SLC38A1: variants seen among roughly 807,000 people sequenced by gnomAD.
SLC38A1 encodes the protein sodium-coupled neutral amino acid symporter 1.
In SLC38A1, 18 loss-of-function variants were observed where a neutral mutation model predicts 60.3. That is an observed-to-expected ratio of 0.30 (90% CI 0.21 to 0.44). SLC38A1 has a LOEUF of 0.44. Ranked by LOEUF, SLC38A1 falls within the 20% of genes least tolerant of loss-of-function variation. SLC38A1 has a pLI of 1.00. For synonymous variants in SLC38A1, 196 were observed against 212.1 expected (o/e 0.92, Z 0.66); for missense variants, 448 against 587.2 (o/e 0.76, Z 2.45).
intron 16 of SLC38A1, among the ~76,000 whole-genome samples, chr12:46,192,062 G>C (rs187822168): frequency 5.5e-4 from 84 of 152,334 alleles, no homozygotes; most frequent in African/African-American, 1.2e-3. Flanking sequence ...GATATTGGCT[G>C]TGGGTTTGTC....
rs1433136791 is a variant in SLC38A1, at chr12:46,239,743, C to T, written c.58G>A (p.Glu20Lys). 1.2e-6 allele frequency: 2 copies of T among 1,613,406 alleles called. No homozygotes were observed. The highest frequency in any genetic ancestry group is 1.7e-6 in the Non-Finnish European group (2 of 1,179,824). Residue 20 changes from glutamate (E) to lysine (K), a missense_variant, in exon 3 of 17, where the codon GAG becomes AAG. Glu to Lys is a moderately conservative substitution (Grantham distance 56). Transcript: ENST00000398637. ...LTELQNMTVP[E>K]DDNISNDSND... The stretch of plus-strand genomic sequence containing the variant: ...GAGTCATTGCTAATGTTATCATCCT[C>T]GGGCACTGTCATGTTTTGCAACTCA...
intron 12 of SLC38A1, among the ~76,000 whole-genome samples, 175 bp downstream of exon 12, chr12:46,202,835 C>T (rs1939722486): frequency 6.6e-6 from 1 of 152,118 alleles, no homozygotes; most frequent in Non-Finnish European, 1.5e-5. Flanking sequence ...TTCTTGCTTT[C>T]TTGTTTCTTA....
Position 46,185,219 on chromosome 12 carries a change from A to G in SLC38A1, c.*3751T>C, listed in dbSNP as rs2136798054. On this transcript the variant is annotated 3_prime_UTR_variant, in exon 17 of 17. Transcript: ENST00000398637. ...GTCTGGGAGGGGGCTGAGAATCTGC[A>G]TTCTAATGAGGTCCCCGATGATGCT... The G allele has an allele frequency of 6.6e-6, 1 of 152,326 alleles. No individual in the cohort carries two copies. The highest frequency in any genetic ancestry group is 3.4e-3 in the Middle Eastern group (1 of 296). 9.4% of individuals were successfully genotyped at this position (152,326 alleles called of 1,614,324 possible). A position where few individuals can be genotyped will look rare whatever the true frequency, so the allele number is the denominator to read the frequency against.
At chr12:46,204,961 C>T (rs914267731) in intron 9 of SLC38A1, among the ~76,000 whole-genome samples, 4 of 152,206 alleles carry the variant, frequency 2.6e-5, no homozygotes, top group South Asian at 2.1e-4. Context: ...TATGGGCAAA[C>T]CCATTTACTC....
In SLC38A1 at chr12:46,202,627, C is replaced by T. The variant is rs182180097; in HGVS notation, c.902+383G>A. On this transcript the variant is annotated intron_variant, in intron 12 of 16. Transcript: ENST00000398637. The stretch of plus-strand genomic sequence containing the variant: ...CCCAAACCCACAGGCAAATCAGAGA[C>T]GATGTATTTAGCAGTTTACAGATAA... 5.8e-4 allele frequency among the ~76,000 whole-genome samples: 89 copies of T among 152,262 alleles called. 1 individual carries two copies. The highest frequency in any genetic ancestry group is 8.7e-4 in the Non-Finnish European group (59 of 68,024).
At position 46,199,307 on chromosome 12, in the gene SLC38A1, TTGTGTGTGTGTGTGTGTGTG is replaced by T. The variant is rs71067986; in HGVS notation, c.1004-584_1004-565del. On this transcript the variant is annotated intron_variant, in intron 13 of 16. Transcript: ENST00000398637. The stretch of plus-strand genomic sequence containing the variant: ...AAAAAAAATTAGTTTATGTACTACT[TTGTGTGTGTGTGTGTGTGTG>T]TGTGTGTGTGTGTGTGTGTGTGTGT... Among the ~76,000 whole-genome samples the T allele has an allele frequency of 4.5e-3, 570 of 125,330 alleles. 7 individuals carry two copies. Among genetic ancestry groups the T allele is most frequent in the Admixed American group, 5.4e-3 (69 of 12,894 alleles). The allele number at this position is 125,330 out of a possible 152,430, so 82.2% of individuals were successfully genotyped here. A position where few individuals can be genotyped will look rare whatever the true frequency, so the allele number is the denominator to read the frequency against.
intron 3 of SLC38A1, among the ~76,000 whole-genome samples, chr12:46,233,994 A>G (rs1255031703): frequency 2.0e-5 from 3 of 152,220 alleles, no homozygotes. Context: ...CTGAGAGCAG[A>G]GAATGAAAAA....
chr12:46,247,355 TG>T (rs1941657911), intron 1 of SLC38A1, among the ~76,000 whole-genome samples: 1 of 152,138 alleles, frequency 6.6e-6, no homozygotes, highest in Admixed American at 6.5e-5. Context: ...CTGATGGAGC[TG>T]AAAACCATGG....
chr12:46,248,347 C>A (rs1276177408), intron 1 of SLC38A1, among the ~76,000 whole-genome samples: 1 of 152,036 alleles, frequency 6.6e-6, no homozygotes, highest in Non-Finnish European at 1.5e-5. Context: ...GAAGATCTAC[C>A]AAGCAAATGG....
intron 1 of SLC38A1, among the ~76,000 whole-genome samples, chr12:46,250,940 G>T (rs1941815715): frequency 6.6e-6 from 1 of 152,166 alleles, no homozygotes; most frequent in Admixed American, 6.5e-5. Flanking sequence ...TAGATTCAAT[G>T]CCATCCTCAT....
intron 11 of SLC38A1, 94 bp from the exon 12 acceptor site, chr12:46,203,183 G>C (rs1939739063): frequency 4.0e-6 from 4 of 1,001,898 alleles, no homozygotes; most frequent in African/African-American, 3.2e-5. Flanking sequence ...TTATCTGACA[G>C]CTCTTCAGAA....
chr12:46,237,822 A>C (rs1370222411), intron 3 of SLC38A1, among the ~76,000 whole-genome samples: 1 of 151,808 alleles, frequency 6.6e-6, no homozygotes, highest in African/African-American at 2.4e-5. Flanking sequence ...ATAAAACCAC[A>C]ATGTCCTACT....
chr12:46,196,072 T>C (rs1458645223), intron 16 of SLC38A1: 9 of 1,417,964 alleles, frequency 6.3e-6, no homozygotes, highest in Non-Finnish European at 8.6e-6. Context: ...CTGTTCCTAT[T>C]TGGCTATCTT....
At chr12:46,223,884 A>G (rs1430348163) in intron 5 of SLC38A1, among the ~76,000 whole-genome samples, 3 of 152,250 alleles carry the variant, frequency 2.0e-5, no homozygotes, top group African/African-American at 7.2e-5. Context: ...TTATTGCTTT[A>G]TCAGATTCTG....
chr12:46,240,253 A>T (rs1419117633), intron 2 of SLC38A1, among the ~76,000 whole-genome samples: 1 of 152,056 alleles, frequency 6.6e-6, no homozygotes, highest in Non-Finnish European at 1.5e-5. Flanking sequence ...CTGGAGTGTA[A>T]TGGCACAGTC....
At chr12:46,237,357 C>T (rs1941295181) in intron 3 of SLC38A1, among the ~76,000 whole-genome samples, 1 of 152,184 alleles carries the variant, frequency 6.6e-6, no homozygotes, top group Admixed American at 6.5e-5. Context: ...CCAGTAGGGA[C>T]CTTCAATAAA....
intron 16 of SLC38A1, among the ~76,000 whole-genome samples, chr12:46,193,442 G>A (rs567388040): frequency 2.0e-5 from 3 of 152,112 alleles, no homozygotes; most frequent in Non-Finnish European, 4.4e-5. Flanking sequence ...AGATGTCTAT[G>A]AGGTCCGCTT....
At chr12:46,197,439 G>A (rs574292372) in intron 16 of SLC38A1, 14 of 247,188 alleles carry the variant, frequency 5.7e-5, no homozygotes, top group Admixed American at 5.3e-4. Flanking sequence ...CCCGGGAGGC[G>A]GAGCTTACAG....
chr12:46,197,641 T>C, intron 16 of SLC38A1, 79 bp downstream of exon 16: 1 of 921,104 alleles, frequency 1.1e-6, no homozygotes, highest in Admixed American at 2.2e-5. Context: ...GTAGTCTTGA[T>C]AGAGAGGTGG....
Sources: gnomAD v4.1 joint callset for allele counts (sites outside exome capture counted in the v4.1 genomes callset) on GRCh38, gnomAD v4.1.1 for gene constraint, MANE v1.5 for transcripts, NCBI Gene and HGNC (gene_info 2026-07-23, HGNC 2026-07-21) for gene names.